The following FRMPD4 variants were observed in gnomAD, a reference collection of about 807,000 sequenced individuals.
FRMPD4 encodes FERM and PDZ domain-containing protein 4.
In FRMPD4, 22 loss-of-function variants were observed where a neutral mutation model predicts 94.1. The ratio of observed to expected loss-of-function variants is 0.23; its 90% CI spans 0.17 to 0.33. FRMPD4 has a LOEUF of 0.33. FRMPD4 is among the 10% of genes least tolerant of loss of function. FRMPD4 has a pLI of 1.00. For missense variants in FRMPD4, 1,111 were observed against 1,339.9 expected (o/e 0.83, Z 2.67); for synonymous variants, 631 against 548.6 (o/e 1.15, Z -2.10).
At chrX:12,389,965 CCA>C (rs2056453084) in intron 1 of FRMPD4, among the ~76,000 whole-genome samples, 1 of 111,985 alleles carries the variant, frequency 8.9e-6, no homozygotes, top group Admixed American at 9.5e-5. Context: ...TCATCTGACT[CCA>C]GTTCCATTAG....
chrX:12,526,430 C>A (rs1359859373), intron 2 of FRMPD4, among the ~76,000 whole-genome samples: 1 of 112,714 alleles, frequency 8.9e-6, no homozygotes, highest in Non-Finnish European at 1.9e-5. Context: ...CATAGATTTG[C>A]CCCTCTGGTC....
At chrX:12,146,346 C>T (rs890342330) in intron 1 of FRMPD4, among the ~76,000 whole-genome samples, 4 of 104,291 alleles carry the variant, frequency 3.8e-5, no homozygotes, top group African/African-American at 1.4e-4. Flanking sequence ...ACCTGGGCAA[C>T]AGAACGAGAC....
chrX:11,906,139 A>G (rs1350400368), intron 3 of FRMPD4, among the ~76,000 whole-genome samples: 1 of 103,279 alleles, frequency 9.7e-6, no homozygotes, highest in Non-Finnish European at 2.0e-5. Context: ...TTATTTATTT[A>G]TTTATTTATT....
chrX:12,625,751 A>C (rs1341579946), intron 4 of FRMPD4, among the ~76,000 whole-genome samples: 1 of 111,736 alleles, frequency 8.9e-6, no homozygotes, highest in Non-Finnish European at 1.9e-5. Flanking sequence ...AGTTAACAGT[A>C]ATCTATTGTA....
chrX:12,565,176 A>G (rs2058700298), intron 2 of FRMPD4, among the ~76,000 whole-genome samples: 1 of 111,760 alleles, frequency 8.9e-6, no homozygotes, highest in Non-Finnish European at 1.9e-5. Flanking sequence ...ATGATTTGAT[A>G]TAAAAATTAA....
chrX:12,660,222 G>A (rs1319318930), intron 4 of FRMPD4, among the ~76,000 whole-genome samples: 4 of 112,236 alleles, frequency 3.6e-5, no homozygotes, highest in Non-Finnish European at 7.5e-5. Flanking sequence ...TTAATTCTAA[G>A]CCTAAAATTA....
chrX:12,053,350 GGAAAGAAAGAAGAAAGAAAGAAA>G (rs2054830135), intron 3 of FRMPD4, among the ~76,000 whole-genome samples: 1 of 61,393 alleles, frequency 1.6e-5, no homozygotes. Flanking sequence ...AAGAAAGAAA[GGAAAGAAAGAAGAAAGAAAGAAA>G]GAAAGAAAGA....
intron 3 of FRMPD4, among the ~76,000 whole-genome samples, chrX:12,080,112 T>G (rs1057201567): frequency 8.9e-6 from 1 of 112,286 alleles, no homozygotes; most frequent in Non-Finnish European, 1.9e-5. Context: ...GAGGAGAGGA[T>G]GATAGCATTA....
At chrX:12,281,044 A>G (rs1393105278) in intron 1 of FRMPD4, among the ~76,000 whole-genome samples, 1 of 112,177 alleles carries the variant, frequency 8.9e-6, no homozygotes, top group Non-Finnish European at 1.9e-5. Flanking sequence ...GAAAACGAAA[A>G]CAAAACCCCA....
At chrX:12,075,030 T>C (rs1264348556) in intron 3 of FRMPD4, among the ~76,000 whole-genome samples, 1 of 112,150 alleles carries the variant, frequency 8.9e-6, no homozygotes, top group African/African-American at 3.2e-5. Context: ...ATGTCTCCAA[T>C]AGTTGAGCTC....
chrX:12,590,043 A>G (rs1305568147), intron 2 of FRMPD4, among the ~76,000 whole-genome samples: 2 of 106,403 alleles, frequency 1.9e-5, no homozygotes, highest in Non-Finnish European at 4.0e-5. Flanking sequence ...GAGGCTTTAT[A>G]TGAACTGAAA....
chrX:12,433,193 G>A (rs2057028131), intron 1 of FRMPD4, among the ~76,000 whole-genome samples: 1 of 112,181 alleles, frequency 8.9e-6, no homozygotes, highest in South Asian at 3.7e-4. Context: ...AAAGTCATGG[G>A]CAGACCAGAA....
intron 1 of FRMPD4, among the ~76,000 whole-genome samples, chrX:11,851,694 T>G (rs978567171): frequency 1.9e-4 from 21 of 111,686 alleles, no homozygotes; most frequent in African/African-American, 6.8e-4. Flanking sequence ...CTTTGATTCC[T>G]TTCAGATTAA....
chrX:12,403,084 T>C (rs1346589292), intron 1 of FRMPD4, among the ~76,000 whole-genome samples: 2 of 106,297 alleles, frequency 1.9e-5, no homozygotes, highest in Non-Finnish European at 4.0e-5. Flanking sequence ...TTAGAATCCA[T>C]TTATTAAGCA....
intron 3 of FRMPD4, among the ~76,000 whole-genome samples, chrX:11,902,067 G>T (rs1337845584): frequency 2.7e-5 from 3 of 112,258 alleles, no homozygotes; most frequent in Non-Finnish European, 5.6e-5. Flanking sequence ...TTACTATGCT[G>T]CTTATTTCTT....
intron 3 of FRMPD4, among the ~76,000 whole-genome samples, chrX:11,953,549 G>A (rs1322651126): frequency 3.6e-5 from 4 of 111,530 alleles, no homozygotes; most frequent in Non-Finnish European, 3.8e-5. Flanking sequence ...ATTTCGATGA[G>A]GGGTGGGGGA....
chrX:12,106,950 C>T (rs962286149), intron 3 of FRMPD4, among the ~76,000 whole-genome samples: 6 of 112,182 alleles, frequency 5.3e-5, no homozygotes, highest in African/African-American at 9.7e-5. Context: ...GTCTGCCTGC[C>T]TCTGTAGACT....
intron 1 of FRMPD4, chrX:12,341,513 C>T: frequency 1.1e-5 from 3 of 268,300 alleles, no homozygotes; most frequent in South Asian, 4.0e-5. Flanking sequence ...TAACATACAC[C>T]ATTTACTGAG....
intron 1 of FRMPD4, among the ~76,000 whole-genome samples, chrX:12,491,566 G>C (rs2057793838): frequency 8.9e-6 from 1 of 112,313 alleles, no homozygotes; most frequent in South Asian, 3.7e-4. Context: ...GGATTAAAAA[G>C]AAAGAATCTG....
Sources: gnomAD v4.1 joint callset for allele counts (sites outside exome capture counted in the v4.1 genomes callset) on GRCh38, gnomAD v4.1.1 for gene constraint, MANE v1.5 for transcripts, NCBI Gene and HGNC (gene_info 2026-07-23, HGNC 2026-07-21) for gene names.